Variants in SVOPL observed in about 807,000 individuals in gnomAD.
The protein encoded by SVOPL is SVOP like, also known as putative transporter SVOPL.
SVOPL carries 60 observed loss-of-function variants against 61.0 expected under a neutral mutation model. The observed-to-expected ratio is 0.98, with a 90% CI of 0.80 to 1.22. The LOEUF is 1.22. SVOPL is among the 50% of genes most tolerant of loss of function. The probability of loss-of-function intolerance (pLI) is 0.00; values close to 1 mark genes in which losing one functional copy is unlikely to be tolerated. For synonymous variants in SVOPL, 279 were observed against 250.0 expected (o/e 1.12, Z -1.09); for missense variants, 662 against 643.9 (o/e 1.03, Z -0.30).
At chr7:138,688,547 G>A (rs1425744905) in intron 1 of SVOPL, among the ~76,000 whole-genome samples, 1 of 152,156 alleles carries the variant, frequency 6.6e-6, no homozygotes, top group Non-Finnish European at 1.5e-5. Flanking sequence ...TGGGATTACT[G>A]GTGTGAGCCA....
At chr7:138,617,206 G>A (rs557700082) in intron 14 of SVOPL, among the ~76,000 whole-genome samples, 14 of 152,264 alleles carry the variant, frequency 9.2e-5, no homozygotes, top group African/African-American at 2.9e-4. Context: ...CTGGCCTCAT[G>A]TGATCTGTCC....
At chr7:138,648,879 A>C in intron 8 of SVOPL, 133 bp downstream of exon 8, 1 of 1,337,394 alleles carries the variant, frequency 7.5e-7, no homozygotes, top group Admixed American at 2.7e-5. Context: ...CCGAGATTGC[A>C]CCTCTGCACT....
intron 7 of SVOPL, among the ~76,000 whole-genome samples, chr7:138,654,991 G>A (rs890086804): frequency 2.6e-5 from 4 of 151,114 alleles, no homozygotes; most frequent in African/African-American, 9.7e-5. Flanking sequence ...AGGAGTTCGA[G>A]ACCAGCCTAG....
At chr7:138,611,833 C>T (rs1309271348) in intron 14 of SVOPL, among the ~76,000 whole-genome samples, 20 of 61,974 alleles carry the variant, frequency 3.2e-4, no homozygotes, top group East Asian at 6.5e-4. Context: ...AGCCGCCTGC[C>T]TTGGCCTCCC....
At chr7:138,671,034 G>A (rs905636935) in intron 4 of SVOPL, among the ~76,000 whole-genome samples, 3 of 152,100 alleles carry the variant, frequency 2.0e-5, no homozygotes, top group African/African-American at 4.8e-5. Flanking sequence ...GTTGATTTTG[G>A]TTATAAGAAA....
rs567994396 is a variant in SVOPL, at chr7:138,688,108, A to T, written c.-34-9029T>A. ...GAGCCACTGTGCCTAGTGACAACCT[A>T]ATTTTTCAAATGGGCAAATGATTTC... On this transcript the variant is annotated intron_variant, in intron 1 of 15. Coordinates refer to ENST00000674285, the MANE Select transcript of SVOPL (RefSeq NM_001139456.2). Among the ~76,000 whole-genome samples, 33 of 152,070 alleles carry T rather than the reference A, an allele frequency of 2.2e-4. 1 individual carries two copies. The East Asian group carries it at 4.1e-3, about 19-fold the overall frequency.
At chr7:138,621,966 CTATCTATG>C (rs1563095812) in intron 13 of SVOPL, among the ~76,000 whole-genome samples, 15 of 25,098 alleles carry the variant, frequency 6.0e-4, no homozygotes, top group Admixed American at 3.6e-3. Context: ...ATCTATGTAT[CTATCTATG>C]TATCTATCTA....
intron 1 of SVOPL, among the ~76,000 whole-genome samples, chr7:138,679,405 G>C (rs567156036): frequency 2.6e-5 from 4 of 152,198 alleles, no homozygotes; most frequent in African/African-American, 9.6e-5. Context: ...GAGTAGCTGG[G>C]GTTACAGGCA....
intron 9 of SVOPL, among the ~76,000 whole-genome samples, chr7:138,639,656 A>G (rs1178811945): frequency 6.6e-6 from 1 of 151,700 alleles, no homozygotes; most frequent in Admixed American, 6.6e-5. Flanking sequence ...AAGAATGGGA[A>G]GGAAAGGAAA....
In SVOPL at chr7:138,662,452, G is replaced by C. The variant is rs553339278; in HGVS notation, c.345+622C>G. 6.1e-6 allele frequency: 6 copies of C among 985,412 alleles called. No homozygotes were observed. In the African/African-American group the frequency reaches 8.7e-5, roughly 14 times the overall value. 61.0% of individuals were successfully genotyped at this position (985,412 alleles called of 1,614,324 possible). A position where few individuals can be genotyped will look rare whatever the true frequency, so the allele number is the denominator to read the frequency against. On this transcript the variant is annotated intron_variant, in intron 5 of 15. Transcript: ENST00000674285. The stretch of plus-strand genomic sequence containing the variant: ...TACTTGGGTGCTCTGGGGGGTTAGA[G>C]ACTTTATGGACACTCACTCATGACA...
At position 138,594,511 on chromosome 7, in the gene SVOPL, A is replaced by T; in HGVS notation, c.*99T>A. The T allele has an allele frequency of 9.0e-7, 1 of 1,107,094 alleles. No homozygotes were observed. The highest frequency in any genetic ancestry group is 1.3e-6 in the Non-Finnish European group (1 of 763,384). The allele number at this position is 1,107,094 out of a possible 1,614,324, so 68.6% of individuals were successfully genotyped here. A position where few individuals can be genotyped will look rare whatever the true frequency, so the allele number is the denominator to read the frequency against. ...AAAAAAATCACTTTACTAATTACCG[A>T]GTAGCATACAGAAGTAAAACCAAGT... On this transcript the variant is annotated 3_prime_UTR_variant, in exon 16 of 16. Transcript: ENST00000674285.
intron 7 of SVOPL, among the ~76,000 whole-genome samples, chr7:138,655,560 G>A (rs1801683596): frequency 6.7e-6 from 1 of 148,756 alleles, no homozygotes; most frequent in Admixed American, 6.7e-5. Context: ...GGTGATATAA[G>A]CTACACACAC....
chr7:138,652,348 G>T (rs1300104031), intron 7 of SVOPL, among the ~76,000 whole-genome samples: 2 of 151,624 alleles, frequency 1.3e-5, no homozygotes, highest in East Asian at 3.9e-4. Context: ...CACTGTGTCT[G>T]GCCCGATTTT....
chr7:138,598,572 T>C (rs1798376444), intron 14 of SVOPL, among the ~76,000 whole-genome samples: 1 of 152,108 alleles, frequency 6.6e-6, no homozygotes, highest in African/African-American at 2.4e-5. Context: ...TCCAGGGCCC[T>C]AAAAGGATCC....
Position 138,644,767 on chromosome 7 carries a change from T to C in SVOPL, c.739A>G (p.Lys247Glu). The change falls in exon 9 of 16, where the codon AAG becomes GAG. Residue 247 changes from lysine (K) to glutamate (E), a missense_variant. By Grantham distance (56) the Lys-to-Glu change is moderately conservative. Coordinates refer to ENST00000674285, the MANE Select transcript of SVOPL (RefSeq NM_001139456.2). ...TCCGGCATGACCGAGCGGTTCATCT[T>C]GGCAACGCGCTCCAGAGTGGCCAGG... The part of the protein sequence containing the change: ...AALATLERVA[K>E]MNRSVMPEGK... 2.5e-6 allele frequency: 4 copies of C among 1,614,142 alleles called. No individual in the cohort carries two copies. Among genetic ancestry groups the C allele is most frequent in the Non-Finnish European group, 3.4e-6 (4 of 1,180,028 alleles).
At chr7:138,611,916 C>G (rs1246319329) in intron 14 of SVOPL, among the ~76,000 whole-genome samples, 50 of 26,446 alleles carry the variant, frequency 1.9e-3, no homozygotes, top group Admixed American at 2.7e-3. Context: ...TCATTGAGAA[C>G]GGGCCAGGAT....
intron 1 of SVOPL, among the ~76,000 whole-genome samples, chr7:138,684,220 C>G (rs915954756): frequency 6.6e-6 from 1 of 151,738 alleles, no homozygotes; most frequent in Admixed American, 6.6e-5. Context: ...CAAAAACTAG[C>G]AGGGCACGAT....
intron 4 of SVOPL, among the ~76,000 whole-genome samples, chr7:138,670,014 A>T (rs1326525650): frequency 1.3e-5 from 2 of 152,110 alleles, no homozygotes; most frequent in Non-Finnish European, 2.9e-5. Context: ...TTACTTCCTA[A>T]ATATGTCCCA....
chr7:138,699,639 C>T (rs112268324), intron 1 of SVOPL, among the ~76,000 whole-genome samples: 3,120 of 152,296 alleles, frequency 0.02, 110 homozygotes, highest in African/African-American at 0.072. Flanking sequence ...CAAAATTCTC[C>T]TGTGTTCTAC....
Sources: allele counts gnomAD v4.1 joint callset (sites outside exome capture counted in the v4.1 genomes callset), GRCh38; gene constraint gnomAD v4.1.1; transcripts MANE v1.5; gene names NCBI Gene and HGNC (gene_info 2026-07-23, HGNC 2026-07-21).